Variants in SLC22A11 observed in about 807,000 individuals in gnomAD.
SLC22A11 encodes the protein organic anion transporter 4.
In SLC22A11, 42 loss-of-function variants were observed where a neutral mutation model predicts 49.4. The ratio of observed to expected loss-of-function variants is 0.85; its 90% CI spans 0.66 to 1.10. The LOEUF (loss-of-function observed/expected upper bound fraction) is 1.10, where lower values mean the gene tolerates loss of function less well. SLC22A11 is among the 50% of genes least tolerant of loss of function. The pLI is 0.00. For missense variants in SLC22A11, 685 were observed against 731.6 expected (o/e 0.94, Z 0.74); for synonymous variants, 304 against 315.8 (o/e 0.96, Z 0.40).
chr11:64,564,258 CG>C lies in SLC22A11; in HGVS notation c.822-45del, dbSNP rs761676715. 5.0e-6 allele frequency: 8 copies of C among 1,608,812 alleles called. No individual in the cohort carries two copies. In the African/African-American group the frequency reaches 1.1e-4, roughly 21 times the overall value. On this transcript the variant is annotated intron_variant, in intron 4 of 9. Transcript: ENST00000301891. The surrounding 1 kb of genome is among the most constrained non-coding windows in gnomAD (Gnocchi z 4.2). ...CCCACTGCCCCTTTCCACCCCGCCC[CG>C]GGGGAGAGCCCAGCGTGCACTCCCA... is the stretch of plus-strand genomic sequence containing the variant.
chr11:64,568,925 C>T, intron 8 of SLC22A11, 147 bp downstream of exon 8: 1 of 677,704 alleles, frequency 1.5e-6, no homozygotes, highest in Non-Finnish European at 2.6e-6. Context: ...TTGAGAGTCT[C>T]GACCCAGACA....
At chr11:64,561,144 T>C (rs2038538330) in intron 2 of SLC22A11, among the ~76,000 whole-genome samples, 1 of 152,224 alleles carries the variant, frequency 6.6e-6, no homozygotes, top group Non-Finnish European at 1.5e-5. Flanking sequence ...TCAGCCGGCC[T>C]GGAGGCCACC....
intron 4 of SLC22A11, among the ~76,000 whole-genome samples, chr11:64,563,532 ACCTGCC>A (rs1425137885): frequency 7.2e-6 from 1 of 139,472 alleles, no homozygotes; most frequent in Non-Finnish European, 1.5e-5. Flanking sequence ...CTCCTGGCCC[ACCTGCC>A]CCTGAGGTTG....
rs758099901 is a variant in SLC22A11 at position 64,565,500 on chromosome 11, T to C, written c.1058+163T>C. ...CGCAGACAGCCCCAGCAGGCAGGAGTCCTGGCAGGCAGCAGAGAGGGACTA... is the reference window on the plus strand; with the variant it reads ...CGCAGACAGCCCCAGCAGGCAGGAGCCCTGGCAGGCAGCAGAGAGGGACTA... On this transcript the variant is annotated intron_variant, in intron 6 of 9. Transcript: ENST00000301891. The surrounding 1 kb of genome is among the most constrained non-coding windows in gnomAD (Gnocchi z 4.1). 1.6e-5 allele frequency: 11 copies of C among 686,998 alleles called. 1 individual carries two copies. Among genetic ancestry groups the C allele is most frequent in the Non-Finnish European group, 2.4e-5 (9 of 378,494 alleles). 42.6% of individuals were successfully genotyped at this position (686,998 alleles called of 1,614,324 possible).
Position 64,564,314 on chromosome 11 carries a change from G to C in SLC22A11, c.828G>C (p.Leu276=). 1 of 1,614,058 alleles carries C rather than the reference G, an allele frequency of 6.2e-7. No individual in the cohort carries two copies. Among genetic ancestry groups the C allele is most frequent in the Admixed American group, 1.7e-5 (1 of 60,010 alleles). ...FFAISLISWW[L]PESARWLIIK... ...CACACCTGCCTCCTTACAGGTGGCT[G>C]CCAGAATCCGCCCGGTGGCTGATTA... is the stretch of plus-strand genomic sequence containing the variant. The change falls in exon 5 of 10, where the codon CTG becomes CTC. Residue 276 remains leucine (L), a synonymous_variant. Coordinates refer to ENST00000301891, the MANE Select transcript of SLC22A11 (RefSeq NM_018484.4). The surrounding 1 kb of genome is among the most constrained non-coding windows in gnomAD (Gnocchi z 4.2).
chr11:64,556,042 CT>C lies in SLC22A11; in HGVS notation c.44del (p.Leu15ProfsTer16). On this transcript the variant is annotated frameshift_variant, in exon 1 of 10. Transcript: ENST00000301891. LOFTEE classifies it high-confidence loss of function. ...CTTGGAGCAAGCCGGAGGCGTGGGC[CT>C]CTTCCAGACCCTGCAGGTGCTCACC... ...KLLEQAGGVG[L>X]FQTLQVLTFI... The C allele has an allele frequency of 6.2e-7, 1 of 1,613,438 alleles. No homozygotes were observed. Among genetic ancestry groups the C allele is most frequent in the Non-Finnish European group, 8.5e-7 (1 of 1,180,008 alleles).
intron 6 of SLC22A11, chr11:64,566,700 G>T (rs921669347): frequency 6.6e-6 from 1 of 152,078 alleles, no homozygotes; most frequent in Non-Finnish European, 1.5e-5. Context: ...ATGAAACACC[G>T]CGGCTTGTGC....
rs753662894 is a variant in SLC22A11 at position 64,559,146 on chromosome 11, G to A, written c.405G>A (p.Val135=). 1.5e-5 allele frequency: 24 copies of A among 1,613,384 alleles called. No individual in the cohort carries two copies. Among genetic ancestry groups the A allele is most frequent in the South Asian group, 2.2e-5 (2 of 91,082 alleles). The change falls in exon 2 of 10, where the codon GTG becomes GTA. Residue 135 remains valine, a synonymous_variant. Coordinates refer to ENST00000301891, the MANE Select transcript of SLC22A11 (RefSeq NM_018484.4). ...TSTIVAKWDL[V]CSSQGLKPLS... is the part of the protein sequence containing the mutation. ...CCCTCCTCTTGCAGTGGGACCTGGT[G>A]TGCAGCTCCCAGGGCTTGAAGCCCC...
Position 64,565,863 on chromosome 11 carries a change from T to C in SLC22A11, c.1058+526T>C. 1 of 244,164 alleles carries C rather than the reference T, an allele frequency of 4.1e-6. No homozygotes were observed. The highest frequency in any genetic ancestry group is 8.3e-6 in the Non-Finnish European group (1 of 119,916). 15.1% of individuals were successfully genotyped at this position (244,164 alleles called of 1,614,324 possible). A position where few individuals can be genotyped will look rare whatever the true frequency, so the allele number is the denominator to read the frequency against. On this transcript the variant is annotated intron_variant, in intron 6 of 9. Coordinates refer to ENST00000301891, the MANE Select transcript of SLC22A11 (RefSeq NM_018484.4). The surrounding 1 kb of genome is among the most constrained non-coding windows in gnomAD (Gnocchi z 4.1). ...CATTGGAACCGGGCTGAGCTAACAC[T>C]TGGCTTACCGGCACTGTCACTGCCA...
chr11:64,560,166 C>G (rs950469613), intron 2 of SLC22A11, among the ~76,000 whole-genome samples: 1 of 151,932 alleles, frequency 6.6e-6, no homozygotes, highest in South Asian at 2.1e-4. Flanking sequence ...CTTCCTCACC[C>G]CCACACTCAC....
At position 64,564,689 on chromosome 11, in the gene SLC22A11, C is replaced by A. The variant is rs1219993941; in HGVS notation, c.942+261C>A. Reference sequence around the variant, plus strand: ...CTTCACTGCCATCACTCCATCACCACCAGCACCACCAATACCATCACTAAC... The same window carrying A: ...CTTCACTGCCATCACTCCATCACCAACAGCACCACCAATACCATCACTAAC... On this transcript the variant is annotated intron_variant, in intron 5 of 9. Coordinates refer to ENST00000301891, the MANE Select transcript of SLC22A11 (RefSeq NM_018484.4). This position sits in a 1 kb window ranked among gnomAD's most constrained non-coding sequence, Gnocchi z 4.2. 6.6e-6 allele frequency among the ~76,000 whole-genome samples: 1 copy of A among 152,070 alleles called. No homozygotes were observed. The highest frequency in any genetic ancestry group is 2.4e-5 in the African/African-American group (1 of 41,380).
intron 6 of SLC22A11, chr11:64,566,301 A>C (rs2038624320): frequency 6.6e-6 from 1 of 152,120 alleles, no homozygotes; most frequent in Admixed American, 6.5e-5. Flanking sequence ...ATCTTGAAAT[A>C]AAACTGAAGT....
rs1183841407 is a variant in SLC22A11, at chr11:64,565,233, C to A, written c.954C>A (p.Ser318=). ...AKNLTIEVLM[S]SVKEEVASAK... Reference sequence around the variant, plus strand: ...ATTCTCCCCGGAAGGTGCTGATGTCCAGCGTGAAGGAGGAGGTGGCCTCTG... The same window carrying A: ...ATTCTCCCCGGAAGGTGCTGATGTCAAGCGTGAAGGAGGAGGTGGCCTCTG... Residue 318 remains serine, a synonymous_variant, in exon 6 of 10, where the codon TCC becomes TCA. Transcript: ENST00000301891. This position sits in a 1 kb window ranked among gnomAD's most constrained non-coding sequence, Gnocchi z 4.1. The A allele has an allele frequency of 3.9e-6, 6 of 1,540,912 alleles. No homozygotes were observed. The South Asian group carries it at 6.0e-5, about 15-fold the overall frequency.
intron 2 of SLC22A11, 77 bp from the exon 3 acceptor site, chr11:64,561,927 G>A (rs1423848397): frequency 6.6e-7 from 1 of 1,512,666 alleles, no homozygotes; most frequent in East Asian, 2.3e-5. Flanking sequence ...TGAACTCCCA[G>A]AAGGCAAGTA....
intron 6 of SLC22A11, among the ~76,000 whole-genome samples, 155 bp from the exon 7 acceptor site, chr11:64,567,444 T>A (rs897905931): frequency 1.3e-5 from 2 of 152,180 alleles, no homozygotes; most frequent in Non-Finnish European, 2.9e-5. Flanking sequence ...GTCCTGAGTT[T>A]GGCAGGCTTC....
chr11:64,561,365 GA>G (rs2038541127), intron 2 of SLC22A11, among the ~76,000 whole-genome samples: 1 of 152,236 alleles, frequency 6.6e-6, no homozygotes, highest in Non-Finnish European at 1.5e-5. Context: ...GAGGCTCAGA[GA>G]TGTCGAATCA....
chr11:64,565,184 T>G lies in SLC22A11; in HGVS notation c.943-38T>G, dbSNP rs1295649828. The G allele has an allele frequency of 1.4e-6, 2 of 1,412,174 alleles. No individual in the cohort carries two copies. Among genetic ancestry groups the G allele is most frequent in the East Asian group, 5.0e-5 (2 of 40,014 alleles). The allele number at this position is 1,412,174 out of a possible 1,614,324, so 87.5% of individuals were successfully genotyped here. A position where few individuals can be genotyped will look rare whatever the true frequency, so the allele number is the denominator to read the frequency against. On this transcript the variant is annotated intron_variant, in intron 5 of 9. Coordinates refer to ENST00000301891, the MANE Select transcript of SLC22A11 (RefSeq NM_018484.4). This position sits in a 1 kb window ranked among gnomAD's most constrained non-coding sequence, Gnocchi z 4.1. ...GGCACAGGGGGTGGGGCAGGGCCAT[T>G]GCCCTACCATTCACGGTGCCCCCAT...
Position 64,562,764 on chromosome 11 carries a change from T to C in SLC22A11, c.821+329T>C, listed in dbSNP as rs2038567386. 6.6e-6 allele frequency among the ~76,000 whole-genome samples: 1 copy of C among 152,184 alleles called. No individual in the cohort carries two copies. The highest frequency in any genetic ancestry group is 2.4e-5 in the African/African-American group (1 of 41,434). ...TTTTCAAAAACAAACAAAAACAGTA[T>C]TTTTTACCTTCTTTGGAAAAACTGG... On this transcript the variant is annotated intron_variant, in intron 4 of 9. Coordinates refer to ENST00000301891, the MANE Select transcript of SLC22A11 (RefSeq NM_018484.4). This position sits in a 1 kb window ranked among gnomAD's most constrained non-coding sequence, Gnocchi z 4.4.
chr11:64,563,409 A>C (rs940927733), intron 4 of SLC22A11, among the ~76,000 whole-genome samples: 1 of 151,760 alleles, frequency 6.6e-6, no homozygotes, highest in Non-Finnish European at 1.5e-5. Context: ...AGGCAGGCTA[A>C]CTCTTCACCA....
Sources: gnomAD v4.1 joint callset for allele counts (sites outside exome capture counted in the v4.1 genomes callset) on GRCh38, gnomAD v4.1.1 for gene constraint, Gnocchi (gnomAD v3.1) non-coding constraint, MANE v1.5 for transcripts, NCBI Gene and HGNC (gene_info 2026-07-23, HGNC 2026-07-21) for gene names.